FMN1: variants seen among roughly 807,000 people sequenced by gnomAD.
FMN1 encodes formin 1.
A neutral mutation model predicts 132.4 loss-of-function variants in FMN1; 110 were observed. The ratio of observed to expected loss-of-function variants is 0.83; its 90% CI spans 0.71 to 0.97. The LOEUF is 0.97. Ranked by LOEUF, FMN1 falls within the 50% of genes least tolerant of loss-of-function variation. FMN1 has a pLI of 0.00. For missense variants in FMN1, 1,792 were observed against 1,705.3 expected (o/e 1.05, Z -0.90); for synonymous variants, 722 against 651.7 (o/e 1.11, Z -1.64).
At chr15:32,953,716 T>A (rs2061702536) in intron 9 of FMN1, among the ~76,000 whole-genome samples, 1 of 152,054 alleles carries the variant, frequency 6.6e-6, no homozygotes, top group African/African-American at 2.4e-5. Context: ...GAAAAAATGG[T>A]GGAGGGCCAC....
chr15:33,133,111 C>T (rs1307037282), intron 4 of FMN1, among the ~76,000 whole-genome samples: 1 of 152,224 alleles, frequency 6.6e-6, no homozygotes. Flanking sequence ...CAGGCACCAT[C>T]ACTACATAGA....
chr15:33,187,022 G>A (rs1203585596), intron 2 of FMN1, among the ~76,000 whole-genome samples: 1 of 152,188 alleles, frequency 6.6e-6, no homozygotes, highest in African/African-American at 2.4e-5. Flanking sequence ...CCCAGGAACA[G>A]AGTCATGTCT....
chr15:32,941,477 G>A (rs1263950825), intron 9 of FMN1, among the ~76,000 whole-genome samples: 3 of 152,120 alleles, frequency 2.0e-5, no homozygotes, highest in Non-Finnish European at 4.4e-5. Context: ...TTTAGATAAT[G>A]CACACATTTA....
chr15:32,963,923 T>TCA lies in FMN1; in HGVS notation c.3138+182_3138+183dup, dbSNP rs35753530. 0.086 allele frequency among the ~76,000 whole-genome samples: 12,345 copies of TCA among 143,682 alleles called. 725 individuals are homozygous for TCA. The highest frequency in any genetic ancestry group is 0.17 in the African/African-American group (6,740 of 38,970). 94.3% of individuals were successfully genotyped at this position (143,682 alleles called of 152,430 possible). A position where few individuals can be genotyped will look rare whatever the true frequency, so the allele number is the denominator to read the frequency against. On this transcript the variant is annotated intron_variant, in intron 9 of 20. Transcript: ENST00000616417. ...ACAGCATGTAATGAATTCCTATGAA[T>TCA]CACACACACACACACACACACACAG...
intron 6 of FMN1, among the ~76,000 whole-genome samples, chr15:33,051,760 C>G (rs61999972): frequency 0.14 from 20,928 of 152,212 alleles, 1,607 homozygotes; most frequent in Middle Eastern, 0.22. Flanking sequence ...CAGCCCCTCC[C>G]AAGTGCTGGC....
At chr15:33,166,841 A>C (rs950535021) in intron 3 of FMN1, among the ~76,000 whole-genome samples, 1 of 152,182 alleles carries the variant, frequency 6.6e-6, no homozygotes, top group Non-Finnish European at 1.5e-5. Flanking sequence ...AGATCTACCC[A>C]GGGTAGAAAG....
intron 10 of FMN1, among the ~76,000 whole-genome samples, chr15:32,914,346 C>T (rs1344271674): frequency 1.3e-5 from 2 of 152,044 alleles, no homozygotes; most frequent in African/African-American, 4.8e-5. Flanking sequence ...TGCCAGTGAA[C>T]GTAAACTGGA....
chr15:33,095,810 A>G (rs2039062345), intron 4 of FMN1, among the ~76,000 whole-genome samples: 1 of 152,168 alleles, frequency 6.6e-6, no homozygotes, highest in African/African-American at 2.4e-5. Context: ...GGGAAATCCA[A>G]CTCTTGAAGA....
chr15:32,964,869 A>T (rs2031042687), intron 8 of FMN1, among the ~76,000 whole-genome samples: 2 of 152,164 alleles, frequency 1.3e-5, no homozygotes, highest in Non-Finnish European at 2.9e-5. Context: ...AAAACCAACC[A>T]AAAACCTCCT....
At position 32,785,175 on chromosome 15, in the gene FMN1, T is replaced by C. The variant is rs2056816996; in HGVS notation, c.4131-8256A>G. Among the ~76,000 whole-genome samples the C allele has an allele frequency of 8.5e-5, 3 of 35,482 alleles. 1 individual carries two copies. The highest frequency in any genetic ancestry group is 1.7e-4 in the Non-Finnish European group (3 of 17,746). The allele number at this position is 35,482 out of a possible 152,430, so 23.3% of individuals were successfully genotyped here. A position where few individuals can be genotyped will look rare whatever the true frequency, so the allele number is the denominator to read the frequency against. On this transcript the variant is annotated intron_variant, in intron 19 of 20. Coordinates refer to ENST00000616417, the MANE Select transcript of FMN1 (RefSeq NM_001277313.2). The stretch of plus-strand genomic sequence containing the variant: ...GTGTATACGTACGTGTGTGTGTGTG[T>C]GTGTGTGTGTGTGTGTGTGTGTGTG...
At chr15:33,027,101 T>G (rs2141044591) in intron 6 of FMN1, among the ~76,000 whole-genome samples, 1 of 151,986 alleles carries the variant, frequency 6.6e-6, no homozygotes, top group Admixed American at 6.5e-5. Context: ...AAGTTTGGAA[T>G]AGAAAACTAA....
chr15:33,099,328 CTG>C (rs757270914), intron 4 of FMN1, among the ~76,000 whole-genome samples: 7 of 152,148 alleles, frequency 4.6e-5, no homozygotes, highest in Non-Finnish European at 8.8e-5. Context: ...TTCGAGTGTA[CTG>C]TGTGTCAGGA....
intron 3 of FMN1, among the ~76,000 whole-genome samples, chr15:33,174,439 G>A (rs775936371): frequency 9.9e-5 from 15 of 151,934 alleles, no homozygotes; most frequent in African/African-American, 3.1e-4. Flanking sequence ...CTTCAGAACC[G>A]CTTCCATTCT....
At chr15:32,841,956 AG>A (rs1198191933) in intron 17 of FMN1, among the ~76,000 whole-genome samples, 1 of 152,198 alleles carries the variant, frequency 6.6e-6, no homozygotes, top group Non-Finnish European at 1.5e-5. Context: ...CACAAATCTG[AG>A]GAACGATCAA....
chr15:33,138,542 C>A (rs968547817), intron 4 of FMN1, among the ~76,000 whole-genome samples: 1 of 152,010 alleles, frequency 6.6e-6, no homozygotes, highest in Non-Finnish European at 1.5e-5. Context: ...CATACAGAGG[C>A]TTGAATTATC....
chr15:33,059,780 A>T (rs1451891787), intron 6 of FMN1, among the ~76,000 whole-genome samples: 2 of 152,208 alleles, frequency 1.3e-5, no homozygotes, highest in Non-Finnish European at 2.9e-5. Context: ...TGCAGCTCTC[A>T]GTTTTTATAT....
intron 10 of FMN1, 98 bp downstream of exon 10, chr15:32,926,076 T>C (rs571206756): frequency 3.2e-5 from 23 of 708,598 alleles, no homozygotes; most frequent in African/African-American, 5.5e-5. Flanking sequence ...ATAGGATTCA[T>C]TAGGGCATTC....
At chr15:33,107,024 G>T (rs899903872) in intron 4 of FMN1, among the ~76,000 whole-genome samples, 1 of 151,944 alleles carries the variant, frequency 6.6e-6, no homozygotes, top group Non-Finnish European at 1.5e-5. Context: ...CTCATTGCTT[G>T]GCTAATACTC....
chr15:32,944,267 C>T (rs1596320717), intron 9 of FMN1, among the ~76,000 whole-genome samples: 1 of 152,224 alleles, frequency 6.6e-6, no homozygotes, highest in Non-Finnish European at 1.5e-5. Context: ...CCATCCCCTG[C>T]CACTCTGCCA....
Sources: allele counts gnomAD v4.1 joint callset (sites outside exome capture counted in the v4.1 genomes callset), GRCh38; gene constraint gnomAD v4.1.1; transcripts MANE v1.5; gene names NCBI Gene and HGNC (gene_info 2026-07-23, HGNC 2026-07-21).